The following IFT122 variants were observed in gnomAD, a reference collection of about 807,000 sequenced individuals.
IFT122 encodes intraflagellar transport protein 122 homolog.
A neutral mutation model predicts 161.6 loss-of-function variants in IFT122; 118 were observed. That is an observed-to-expected ratio of 0.73 (90% CI 0.63 to 0.85). The LOEUF (loss-of-function observed/expected upper bound fraction) is 0.85. Ranked by LOEUF, IFT122 falls within the 40% of genes least tolerant of loss-of-function variation. The pLI, the probability that IFT122 is intolerant of heterozygous loss-of-function variation, is 0.00. For synonymous variants in IFT122, 550 were observed against 602.4 expected (o/e 0.91, Z 1.27); for missense variants, 1,381 against 1,579.6 (o/e 0.87, Z 2.13).
intron 19 of IFT122, among the ~76,000 whole-genome samples, 188 bp from the exon 20 acceptor site, chr3:129,502,523 A>C (rs2081689959): frequency 6.6e-6 from 1 of 152,176 alleles, no homozygotes; most frequent in Non-Finnish European, 1.5e-5. Flanking sequence ...GATCCTGTAA[A>C]GGCCACCTCT....
chr3:129,473,733 G>A lies in IFT122; in HGVS notation c.817-2582G>A, dbSNP rs764681135. On this transcript the variant is annotated intron_variant, in intron 9 of 29. Transcript: ENST00000348417. Reference sequence around the variant, plus strand: ...TTTCCCACTTCACTTTCCGGGTGCTGTGGTCCTCCCAAATTCTATACTCAC... The same window carrying A: ...TTTCCCACTTCACTTTCCGGGTGCTATGGTCCTCCCAAATTCTATACTCAC... 6.6e-5 allele frequency among the ~76,000 whole-genome samples: 10 copies of A among 152,314 alleles called. No individual in the cohort carries two copies. The East Asian group carries it at 9.6e-4, about 15-fold the overall frequency.
At chr3:129,472,143 T>G (rs55975101) in intron 9 of IFT122, among the ~76,000 whole-genome samples, 20,174 of 152,042 alleles carry the variant, frequency 0.13, 1,714 homozygotes, top group South Asian at 0.24. Flanking sequence ...ATTGAGTAAT[T>G]TCATATGTCT....
At chr3:129,457,941 T>A (rs936431341) in intron 3 of IFT122, 2 of 157,780 alleles carry the variant, frequency 1.3e-5, no homozygotes, top group African/African-American at 4.8e-5. Flanking sequence ...GGTTTCACCG[T>A]GTTGGCCAGG....
At chr3:129,492,001 C>T (rs1369585194) in intron 16 of IFT122, 140 bp from the exon 17 acceptor site, 13 of 765,830 alleles carry the variant, frequency 1.7e-5, no homozygotes, top group South Asian at 5.5e-5. Flanking sequence ...CCTGCACGCA[C>T]GATGATTAAT....
At chr3:129,500,616 A>G (rs2081408194) in intron 19 of IFT122, among the ~76,000 whole-genome samples, 1 of 152,208 alleles carries the variant, frequency 6.6e-6, no homozygotes. Context: ...CTTAGGAGAC[A>G]CTCTTTCCAT....
Position 129,520,171 on chromosome 3 carries a change from C to T in IFT122, c.3637-5C>T, listed in dbSNP as rs2084586571. The stretch of plus-strand genomic sequence containing the variant: ...CAGCCTGGTCTTACAGCTGTCTTCC[C>T]TTAGATGTTCCATTCTGAGGACTAT... On this transcript the variant is annotated splice_polypyrimidine_tract_variant and splice_region_variant and intron_variant, in intron 29 of 29. Coordinates refer to ENST00000348417, the MANE Select transcript of IFT122 (RefSeq NM_052989.3). 1 of 1,610,972 alleles carries T rather than the reference C, an allele frequency of 6.2e-7. No individual in the cohort carries two copies. Among genetic ancestry groups the T allele is most frequent in the Non-Finnish European group, 8.5e-7 (1 of 1,179,232 alleles).
chr3:129,455,898 T>TGAGGAG (rs57434974), intron 3 of IFT122, among the ~76,000 whole-genome samples: 4 of 150,618 alleles, frequency 2.7e-5, no homozygotes, highest in South Asian at 2.1e-4. Context: ...TTGAATAGGC[T>TGAGGAG]GAGGAGGAGG....
intron 3 of IFT122, 149 bp from the exon 4 acceptor site, chr3:129,458,450 C>G (rs1049630598): frequency 2.9e-6 from 2 of 693,564 alleles, no homozygotes; most frequent in Non-Finnish European, 2.5e-6. Flanking sequence ...TATTCTGACT[C>G]CAAGGTCCTG....
At chr3:129,517,159 GGAGACTGCCTCTGCACACACACA>G (rs1560026741) in intron 26 of IFT122, among the ~76,000 whole-genome samples, 16 of 96,172 alleles carry the variant, frequency 1.7e-4, no homozygotes, top group East Asian at 3.5e-4. Context: ...GCACACACAC[GGAGACTGCCTCTGCACACACACA>G]GAGACTGCCC....
chr3:129,488,876 G>C (rs906459685), intron 16 of IFT122, among the ~76,000 whole-genome samples: 2 of 152,042 alleles, frequency 1.3e-5, no homozygotes, highest in African/African-American at 4.8e-5. Flanking sequence ...CTCTGATTCT[G>C]ACAGCAATGT....
chr3:129,515,186 A>G (rs2083335728), intron 25 of IFT122: 1 of 534,058 alleles, frequency 1.9e-6, no homozygotes, highest in African/African-American at 1.9e-5. Context: ...GAGCATGGTA[A>G]ATGGCTGGCT....
intron 1 of IFT122, 29 bp downstream of exon 1, chr3:129,440,400 A>G (rs373040525): frequency 1.2e-5 from 18 of 1,549,244 alleles, no homozygotes; most frequent in African/African-American, 5.5e-5. Context: ...CGCGAAGAGC[A>G]GGAGGTCGAG....
At position 129,464,734 on chromosome 3, in the gene IFT122, G is replaced by C. The variant is rs748272790; in HGVS notation, c.516G>C (p.Pro172=). Residue 172 remains proline (P), a synonymous_variant, in exon 7 of 30, where the codon CCG becomes CCC. Coordinates refer to ENST00000348417, the MANE Select transcript of IFT122 (RefSeq NM_052989.3). ...NGEEKVKIER[P]GGSLSPIWSI... ...AGGAGAAAGTAAAGATCGAGCGGCC[G>C]GGGGGCTCCCTCTCGCCAATATGGT... The C allele has an allele frequency of 6.2e-7, 1 of 1,613,994 alleles. No homozygotes were observed. The highest frequency in any genetic ancestry group is 8.5e-7 in the Non-Finnish European group (1 of 1,179,960).
At chr3:129,488,542 C>T (rs2079601212) in intron 16 of IFT122, 145 bp downstream of exon 16, 5 of 1,018,784 alleles carry the variant, frequency 4.9e-6, no homozygotes, top group Non-Finnish European at 7.5e-6. Context: ...TTAGCCACTT[C>T]CTCACTGTGG....
intron 1 of IFT122, among the ~76,000 whole-genome samples, chr3:129,447,582 G>A (rs960866726): frequency 1.3e-4 from 20 of 152,082 alleles, no homozygotes; most frequent in Admixed American, 7.2e-4. Flanking sequence ...GTGCAATCTC[G>A]GCTCACTGCA....
intron 4 of IFT122, chr3:129,459,369 A>C (rs1156787772): frequency 4.6e-6 from 2 of 437,704 alleles, no homozygotes; most frequent in Admixed American, 2.4e-5. Flanking sequence ...GGCTCACCGC[A>C]AGCTCCACCT....
intron 18 of IFT122, among the ~76,000 whole-genome samples, chr3:129,497,521 A>T (rs2081018727): frequency 1.3e-5 from 2 of 152,130 alleles, no homozygotes; most frequent in African/African-American, 2.4e-5. Context: ...GTGGATTTTC[A>T]TACCTCTCTC....
intron 8 of IFT122, among the ~76,000 whole-genome samples, chr3:129,467,828 G>A (rs1450081533): frequency 6.6e-6 from 1 of 152,236 alleles, no homozygotes; most frequent in Admixed American, 6.5e-5. Context: ...CCCACCCTGA[G>A]GTCATGGGGG....
At chr3:129,463,298 G>A (rs2076373181) in intron 5 of IFT122, 1 of 439,724 alleles carries the variant, frequency 2.3e-6, no homozygotes, top group African/African-American at 2.0e-5. Context: ...ACCACTTAGT[G>A]TCATATCTAC....
Sources: gnomAD v4.1 joint callset for allele counts (sites outside exome capture counted in the v4.1 genomes callset) on GRCh38, gnomAD v4.1.1 for gene constraint, MANE v1.5 for transcripts, NCBI Gene and HGNC (gene_info 2026-07-23, HGNC 2026-07-21) for gene names.